PDZD2: variants seen among roughly 807,000 people sequenced by gnomAD.
The protein encoded by PDZD2 is PDZ domain-containing protein 2.
PDZD2 carries 90 observed loss-of-function variants against 220.7 expected under a neutral mutation model. The ratio of observed to expected loss-of-function variants is 0.41; its 90% CI spans 0.34 to 0.49. The LOEUF is 0.49. PDZD2 is among the 20% of genes least tolerant of loss of function. The pLI is 0.28. For synonymous variants in PDZD2, 1,375 were observed against 1,450.5 expected (o/e 0.95, Z 1.18); for missense variants, 3,174 against 3,608.5 (o/e 0.88, Z 3.08).
rs1554060797 is a variant in PDZD2 at position 31,665,648 on chromosome 5, C to CA, written c.-361+26211_-361+26212insA. Among the ~76,000 whole-genome samples, 207 of 115,260 alleles carry CA rather than the reference C, an allele frequency of 1.8e-3. 1 individual carries two copies. Among genetic ancestry groups the CA allele is most frequent in the African/African-American group, 6.5e-3 (193 of 29,502 alleles). 75.6% of individuals were successfully genotyped at this position (115,260 alleles called of 152,430 possible). A position where few individuals can be genotyped will look rare whatever the true frequency, so the allele number is the denominator to read the frequency against. ...AAAGTGTTTGGAAGTTCCCCCTCCC[C>CA]CCCCTCCCTTTCCTGCTGCCTTGTG... On this transcript the variant is annotated intron_variant, in intron 1 of 24. Coordinates refer to ENST00000438447, the MANE Select transcript of PDZD2 (RefSeq NM_178140.4).
chr5:31,983,568 C>T lies in PDZD2; in HGVS notation c.890C>T (p.Thr297Ile), dbSNP rs189114304. 11 of 1,614,176 alleles carry T rather than the reference C, an allele frequency of 6.8e-6. No individual in the cohort carries two copies. In the African/African-American group the frequency reaches 1.3e-4, roughly 20 times the overall value. Residue 297 changes from threonine to isoleucine, a missense_variant, in exon 3 of 25, where the codon ACA becomes ATA. Thr to Ile is a moderately conservative substitution (Grantham distance 89). Around this residue, in one of 4 missense-constraint regions of PDZD2, gnomAD observed 632 missense variants for 708.1 expected, o/e 0.89. Coordinates refer to ENST00000438447, the MANE Select transcript of PDZD2 (RefSeq NM_178140.4). Reference protein sequence around the residue: ...DRGTEHRIPKTDAPLTTSNDK... With the variant: ...DRGTEHRIPKIDAPLTTSNDK... Reference sequence around the variant, plus strand: ...GGGACAGAGCATAGAATTCCAAAGACAGATGCTCCTCTGACCACAAGCAAT... The same window carrying T: ...GGGACAGAGCATAGAATTCCAAAGATAGATGCTCCTCTGACCACAAGCAAT...
chr5:31,735,343 C>T (rs746370173), intron 1 of PDZD2, among the ~76,000 whole-genome samples: 1 of 152,148 alleles, frequency 6.6e-6, no homozygotes, highest in Non-Finnish European at 1.5e-5. Context: ...ACTGCTGCCT[C>T]CTATTCTCCT....
chr5:31,940,805 C>T (rs764696610), intron 2 of PDZD2, among the ~76,000 whole-genome samples: 27 of 152,280 alleles, frequency 1.8e-4, no homozygotes, highest in Admixed American at 4.6e-4. Context: ...AGTGAGACAC[C>T]TGAGACCGCA....
At chr5:31,936,580 G>GA (rs1001688886) in intron 2 of PDZD2, among the ~76,000 whole-genome samples, 1 of 147,128 alleles carries the variant, frequency 6.8e-6, no homozygotes, top group African/African-American at 2.5e-5. Context: ...AAAAAAAAAA[G>GA]AAAAAAAGCA....
chr5:31,794,296 A>G (rs1324040597), intron 1 of PDZD2, among the ~76,000 whole-genome samples: 1 of 151,932 alleles, frequency 6.6e-6, no homozygotes, highest in Non-Finnish European at 1.5e-5. Context: ...TTTCTGGGAC[A>G]TTGTTTTGTT....
chr5:31,732,052 A>G (rs1749562606), intron 1 of PDZD2, among the ~76,000 whole-genome samples: 3 of 152,172 alleles, frequency 2.0e-5, no homozygotes, highest in Admixed American at 2.0e-4. Flanking sequence ...CCATCACAGG[A>G]AGTCTGTCTG....
intron 2 of PDZD2, among the ~76,000 whole-genome samples, chr5:31,855,503 G>T (rs1580903729): frequency 6.6e-6 from 1 of 152,234 alleles, no homozygotes; most frequent in East Asian, 1.9e-4. Flanking sequence ...GGGGGTTCCG[G>T]AGCCACGGCG....
At chr5:31,828,635 A>G (rs1467364562) in intron 2 of PDZD2, among the ~76,000 whole-genome samples, 1 of 152,162 alleles carries the variant, frequency 6.6e-6, no homozygotes, top group Non-Finnish European at 1.5e-5. Context: ...AGCCAGGACT[A>G]CAGGCATACG....
chr5:31,810,304 C>T (rs1231046415), intron 2 of PDZD2, among the ~76,000 whole-genome samples: 1 of 150,714 alleles, frequency 6.6e-6, no homozygotes, highest in Admixed American at 6.6e-5. Context: ...ACTCTGTCGC[C>T]CAGGCTGGAG....
At chr5:32,007,579 T>C (rs753571392) in intron 5 of PDZD2, among the ~76,000 whole-genome samples, 11 of 152,214 alleles carry the variant, frequency 7.2e-5, no homozygotes, top group Non-Finnish European at 1.3e-4. Flanking sequence ...CAAACATCAC[T>C]GTCGCTAGAT....
chr5:31,722,854 A>G (rs1748888731), intron 1 of PDZD2, among the ~76,000 whole-genome samples: 1 of 152,016 alleles, frequency 6.6e-6, no homozygotes, highest in Non-Finnish European at 1.5e-5. Flanking sequence ...ACACCTGGCT[A>G]ATTCTTGTAT....
chr5:31,689,750 C>T (rs1272527130), intron 1 of PDZD2, among the ~76,000 whole-genome samples: 1 of 151,936 alleles, frequency 6.6e-6, no homozygotes, highest in African/African-American at 2.4e-5. Flanking sequence ...GGTGCACTGC[C>T]CTCTGGGCCA....
At chr5:31,917,925 G>A (rs1743834170) in intron 2 of PDZD2, among the ~76,000 whole-genome samples, 1 of 152,142 alleles carries the variant, frequency 6.6e-6, no homozygotes, top group African/African-American at 2.4e-5. Flanking sequence ...TTTTAGTAGA[G>A]ATGGAGTTTC....
At chr5:31,910,184 T>G (rs569076112) in intron 2 of PDZD2, among the ~76,000 whole-genome samples, 4 of 149,704 alleles carry the variant, frequency 2.7e-5, no homozygotes, top group Non-Finnish European at 4.4e-5. Flanking sequence ...GAGTCAAGAT[T>G]CAAACCCAGC....
chr5:31,911,225 C>T (rs1381152406), intron 2 of PDZD2, among the ~76,000 whole-genome samples: 5 of 152,222 alleles, frequency 3.3e-5, no homozygotes, highest in African/African-American at 1.2e-4. Flanking sequence ...CTGCTGGTCA[C>T]TAGGCACTGT....
intron 2 of PDZD2, among the ~76,000 whole-genome samples, chr5:31,865,110 G>A (rs1421358638): frequency 2.6e-5 from 4 of 151,944 alleles, no homozygotes; most frequent in African/African-American, 7.3e-5. Flanking sequence ...GCCTCCCAAA[G>A]TGCTGGGATT....
intron 2 of PDZD2, among the ~76,000 whole-genome samples, chr5:31,938,504 A>G (rs552629873): frequency 2.0e-5 from 3 of 152,252 alleles, no homozygotes; most frequent in East Asian, 3.9e-4. Context: ...AAAGACACCT[A>G]TGAGTCCAGC....
intron 2 of PDZD2, among the ~76,000 whole-genome samples, chr5:31,965,895 T>TC (rs1421394791): frequency 4.6e-5 from 7 of 151,786 alleles, no homozygotes; most frequent in African/African-American, 1.7e-4. Flanking sequence ...AAACTCCGTC[T>TC]CCAAAAAAAA....
chr5:32,036,943 C>T (rs1230241239), intron 6 of PDZD2, among the ~76,000 whole-genome samples: 1 of 152,194 alleles, frequency 6.6e-6, no homozygotes, highest in African/African-American at 2.4e-5. Context: ...GACGAAGTGG[C>T]CCTGGGGGCC....
Sources: gnomAD v4.1 joint callset for allele counts (sites outside exome capture counted in the v4.1 genomes callset) on GRCh38, gnomAD v4.1.1 for gene constraint, gnomAD v4.1.1 regional missense constraint, MANE v1.5 for transcripts, NCBI Gene and HGNC (gene_info 2026-07-23, HGNC 2026-07-21) for gene names.